KCNN2: variants seen among roughly 807,000 people sequenced by gnomAD.
The protein encoded by KCNN2 is small conductance calcium-activated potassium channel protein 2.
A neutral mutation model predicts 55.5 loss-of-function variants in KCNN2; 24 were observed. The ratio of observed to expected loss-of-function variants is 0.43; its 90% CI spans 0.31 to 0.61. The LOEUF is 0.61. Among genes scored for constraint, KCNN2 ranks in the 20% least tolerant of loss-of-function variants. The pLI, the probability that KCNN2 is intolerant of heterozygous loss-of-function variation, is 0.08. For missense variants in KCNN2, 754 were observed against 853.6 expected (o/e 0.88, Z 1.45); for synonymous variants, 431 against 336.1 (o/e 1.28, Z -3.09).
At chr5:114,191,672 C>A (rs928631674) in intron 1 of KCNN2, among the ~76,000 whole-genome samples, 1 of 152,118 alleles carries the variant, frequency 6.6e-6, no homozygotes, top group Non-Finnish European at 1.5e-5. Flanking sequence ...CAAGGTAAAC[C>A]ACACTGGACA....
At chr5:114,143,942 C>A (rs779903302) in intron 1 of KCNN2, among the ~76,000 whole-genome samples, 1 of 152,108 alleles carries the variant, frequency 6.6e-6, no homozygotes, top group Non-Finnish European at 1.5e-5. Flanking sequence ...AAAGCAATAG[C>A]ACAAATTATA....
At chr5:114,241,337 GA>G (rs1354621990) in intron 2 of KCNN2, among the ~76,000 whole-genome samples, 8 of 151,872 alleles carry the variant, frequency 5.3e-5, no homozygotes, top group Non-Finnish European at 1.2e-4. Context: ...AAATTTTGGA[GA>G]AGAGCCAAAA....
intron 2 of KCNN2, among the ~76,000 whole-genome samples, chr5:114,229,946 C>G (rs1754322757): frequency 6.6e-6 from 1 of 152,138 alleles, no homozygotes; most frequent in Non-Finnish European, 1.5e-5. Context: ...ACACACGTAA[C>G]AGAAGCCTTT....
At chr5:114,228,745 A>G (rs1754291616) in intron 2 of KCNN2, among the ~76,000 whole-genome samples, 1 of 152,098 alleles carries the variant, frequency 6.6e-6, no homozygotes, top group Non-Finnish European at 1.5e-5. Context: ...AAGTTGAGAA[A>G]GTTCAGAATG....
intron 1 of KCNN2, among the ~76,000 whole-genome samples, chr5:114,083,603 G>A (rs979004738): frequency 2.0e-5 from 3 of 151,868 alleles, no homozygotes; most frequent in East Asian, 1.9e-4. Context: ...CATGTACCTC[G>A]TCTCTCTCTT....
chr5:114,420,824 A>G (rs148833093), intron 3 of KCNN2, among the ~76,000 whole-genome samples: 496 of 152,306 alleles, frequency 3.3e-3, no homozygotes, highest in Non-Finnish European at 5.3e-3. Context: ...TCTTCATGCT[A>G]TTTGATCCTT....
chr5:114,105,969 C>T (rs1751474747), intron 1 of KCNN2, among the ~76,000 whole-genome samples: 1 of 151,844 alleles, frequency 6.6e-6, no homozygotes, highest in Non-Finnish European at 1.5e-5. Flanking sequence ...TTGTTATAGT[C>T]ATAGTGTATT....
intron 1 of KCNN2, among the ~76,000 whole-genome samples, chr5:114,149,164 G>A (rs959076013): frequency 6.6e-6 from 1 of 152,064 alleles, no homozygotes; most frequent in African/African-American, 2.4e-5. Flanking sequence ...AGACAGATAA[G>A]CCTGGTGTTT....
chr5:114,138,553 CTG>C (rs1055497167), intron 1 of KCNN2, among the ~76,000 whole-genome samples: 3 of 152,190 alleles, frequency 2.0e-5, no homozygotes, highest in African/African-American at 7.2e-5. Flanking sequence ...ACCCAAATCT[CTG>C]TTTCTCTTTG....
At chr5:114,074,340 G>A (rs1013444472) in intron 1 of KCNN2, among the ~76,000 whole-genome samples, 5 of 151,704 alleles carry the variant, frequency 3.3e-5, no homozygotes, top group Non-Finnish European at 5.9e-5. Context: ...GCGCGCGCGC[G>A]CCAGAGAGAA....
chr5:114,198,577 A>T (rs1307476912), intron 1 of KCNN2, among the ~76,000 whole-genome samples: 1 of 151,990 alleles, frequency 6.6e-6, no homozygotes, highest in Non-Finnish European at 1.5e-5. Context: ...ATACGTGTAT[A>T]GGTATCATTT....
intron 5 of KCNN2, among the ~76,000 whole-genome samples, chr5:114,485,555 G>C (rs924826513): frequency 6.6e-6 from 1 of 152,180 alleles, no homozygotes; most frequent in Non-Finnish European, 1.5e-5. Context: ...GAAGTATGAA[G>C]ATGGATCTAA....
At chr5:114,338,110 T>G (rs1756952383) in intron 2 of KCNN2, among the ~76,000 whole-genome samples, 1 of 152,226 alleles carries the variant, frequency 6.6e-6, no homozygotes, top group Non-Finnish European at 1.5e-5. Context: ...TTAAGGTGCA[T>G]TAAGCCAACA....
intron 2 of KCNN2, among the ~76,000 whole-genome samples, chr5:114,235,759 A>G (rs1334755551): frequency 2.6e-5 from 4 of 152,200 alleles, no homozygotes; most frequent in Admixed American, 6.5e-5. Context: ...TCTTTTCCTT[A>G]CTATCTACTT....
intron 2 of KCNN2, among the ~76,000 whole-genome samples, chr5:114,370,071 G>C (rs1580757752): frequency 6.6e-6 from 1 of 152,176 alleles, no homozygotes; most frequent in Non-Finnish European, 1.5e-5. Context: ...TACTTTGGGA[G>C]TACATTTTCA....
chr5:114,425,519 C>G (rs1198677346), intron 3 of KCNN2, among the ~76,000 whole-genome samples: 1 of 152,046 alleles, frequency 6.6e-6, no homozygotes, highest in African/African-American at 2.4e-5. Flanking sequence ...AACCTTGCAC[C>G]CTCTCCCTTC....
At chr5:114,141,773 C>A (rs1307222554) in intron 1 of KCNN2, among the ~76,000 whole-genome samples, 2 of 152,146 alleles carry the variant, frequency 1.3e-5, no homozygotes, top group East Asian at 3.9e-4. Flanking sequence ...CCTGTTTCTC[C>A]ACATCCTCTC....
rs116183269 is a variant in KCNN2 at position 114,374,144 on chromosome 5, A to T, written c.1218+10143A>T. 3.8e-3 allele frequency among the ~76,000 whole-genome samples: 575 copies of T among 152,208 alleles called. 5 individuals carry two copies. The highest frequency in any genetic ancestry group is 0.013 in the African/African-American group (552 of 41,562). The stretch of plus-strand genomic sequence containing the variant: ...ATAAACTTAACATGGATGTGGCTTC[A>T]TCCTGGAATCAAGGCCCTTTCTATG... On this transcript the variant is annotated intron_variant, in intron 2 of 7. Coordinates refer to ENST00000673685, the MANE Select transcript of KCNN2 (RefSeq NM_021614.4).
intron 1 of KCNN2, among the ~76,000 whole-genome samples, chr5:114,210,097 A>G (rs567472360): frequency 6.6e-6 from 1 of 152,260 alleles, no homozygotes; most frequent in Admixed American, 6.5e-5. Context: ...CAGGATGGTT[A>G]GTAGCATAGT....
Sources: allele counts gnomAD v4.1 joint callset (sites outside exome capture counted in the v4.1 genomes callset), GRCh38; gene constraint gnomAD v4.1.1; transcripts MANE v1.5; gene names NCBI Gene and HGNC (gene_info 2026-07-23, HGNC 2026-07-21).